Variants in GCN1 observed in about 807,000 individuals in gnomAD.
GCN1 encodes stalled ribosome sensor GCN1.
GCN1 carries 90 observed loss-of-function variants against 288.4 expected under a neutral mutation model. The observed-to-expected ratio is 0.31, with a 90% CI of 0.26 to 0.37. The LOEUF (loss-of-function observed/expected upper bound fraction) is 0.37. Among genes scored for constraint, GCN1 ranks in the 10% least tolerant of loss-of-function variants. GCN1 has a pLI of 1.00. For synonymous variants in GCN1, 1,386 were observed against 1,420.2 expected (o/e 0.98, Z 0.54); for missense variants, 2,586 against 3,419.9 (o/e 0.76, Z 6.08).
At chr12:120,138,158 T>G in intron 47 of GCN1, 114 bp from the exon 48 acceptor site, 1 of 1,015,866 alleles carries the variant, frequency 9.8e-7, no homozygotes, top group South Asian at 1.5e-5. Flanking sequence ...GCCAAGCATC[T>G]ACTCCAGCAT....
In GCN1 at chr12:120,144,534, C is replaced by A. The variant is rs1877300741; in HGVS notation, c.5353-86G>T. 1.9e-6 allele frequency: 3 copies of A among 1,562,770 alleles called. No individual in the cohort carries two copies. The South Asian group carries it at 3.5e-5, about 18-fold the overall frequency. On this transcript the variant is annotated intron_variant, in intron 41 of 57. Coordinates refer to ENST00000300648, the MANE Select transcript of GCN1 (RefSeq NM_006836.2). This position sits in a 1 kb window ranked among gnomAD's most constrained non-coding sequence, Gnocchi z 4.7. Reference sequence around the variant, plus strand: ...CATGGGGCTCACTGAAGGCTGAGGGCTCTGCCAACCAACCCCAGCCAGCAG... The same window carrying A: ...CATGGGGCTCACTGAAGGCTGAGGGATCTGCCAACCAACCCCAGCCAGCAG...
Position 120,155,403 on chromosome 12 carries a change from C to T in GCN1, c.3468G>A (p.Leu1156=). The T allele has an allele frequency of 1.9e-6, 3 of 1,614,012 alleles. No individual in the cohort carries two copies. The highest frequency in any genetic ancestry group is 1.1e-5 in the South Asian group (1 of 91,086). Reference sequence around the variant, plus strand: ...TCAGCAAGGAGCAGAGGTCTGGCTGCAGGTCTAGGCCCATCATTGACCAGA... The same window carrying T: ...TCAGCAAGGAGCAGAGGTCTGGCTGTAGGTCTAGGCCCATCATTGACCAGA... ...ERLWSMMGLD[L]QPDLCSLLID... The change falls in exon 30 of 58, where the codon CTG becomes CTA. Residue 1156 remains leucine (L), a synonymous_variant. Transcript: ENST00000300648. This position sits in a 1 kb window ranked among gnomAD's most constrained non-coding sequence, Gnocchi z 4.9.
Position 120,148,177 on chromosome 12 carries a change from C to A in GCN1, c.4716G>T (p.Pro1572=), listed in dbSNP as rs763874347. The part of the protein sequence containing the change: ...LRQIGSVIRN[P]EILAIAPVLL... Reference sequence around the variant, plus strand: ...ACGGGAAAGGCCTACCCAGGATCTCCGGGTTCCTGATAACGGAGCCGATCT... The same window carrying A: ...ACGGGAAAGGCCTACCCAGGATCTCAGGGTTCCTGATAACGGAGCCGATCT... Residue 1572 remains proline, a synonymous_variant, in exon 37 of 58, where the codon CCG becomes CCT. Transcript: ENST00000300648. The A allele has an allele frequency of 6.2e-7, 1 of 1,611,710 alleles. No homozygotes were observed. Among genetic ancestry groups the A allele is most frequent in the African/African-American group, 1.3e-5 (1 of 74,890 alleles).
intron 12 of GCN1, among the ~76,000 whole-genome samples, chr12:120,174,771 CAG>C: frequency 8.7e-6 from 1 of 115,226 alleles, no homozygotes; most frequent in African/African-American, 3.5e-5. Context: ...GGCCTGGCGA[CAG>C]AGTGAGACTC....
chr12:120,160,368 T>G (rs1193977387), intron 22 of GCN1, 113 bp from the exon 23 acceptor site: 1 of 742,010 alleles, frequency 1.3e-6, no homozygotes, highest in East Asian at 2.6e-5. Flanking sequence ...GCTCTAAGTG[T>G]GAGTTGGGCC....
Position 120,153,252 on chromosome 12 carries a change from A to G in GCN1, c.4023T>C (p.Val1341=). 2 of 1,614,238 alleles carry G rather than the reference A, an allele frequency of 1.2e-6. No individual in the cohort carries two copies. Among genetic ancestry groups the G allele is most frequent in the Non-Finnish European group, 1.7e-6 (2 of 1,180,050 alleles). The change falls in exon 33 of 58, where the codon GTT becomes GTC. Residue 1341 remains valine, a synonymous_variant. Coordinates refer to ENST00000300648, the MANE Select transcript of GCN1 (RefSeq NM_006836.2). This position sits in a 1 kb window ranked among gnomAD's most constrained non-coding sequence, Gnocchi z 4.4. ...TGGAGAGGGCAGCGATGAGCTTGGC[A>G]ACAATGGGCTTCACTTTGGGGTCAC... The part of the protein sequence containing the change: ...DKSDPKVKPI[V]AKLIAALSTP...
chr12:120,136,394 C>A lies in GCN1; in HGVS notation c.7008+108G>T, dbSNP rs373067387. ...CAAGGTCTTACCTCCCTCTGCTATGCGGCTCTCCACAATAAATCTGTTGCC... is the reference window on the plus strand; with the variant it reads ...CAAGGTCTTACCTCCCTCTGCTATGAGGCTCTCCACAATAAATCTGTTGCC... On this transcript the variant is annotated intron_variant, in intron 51 of 57. Coordinates refer to ENST00000300648, the MANE Select transcript of GCN1 (RefSeq NM_006836.2). 13 of 803,254 alleles carry A rather than the reference C, an allele frequency of 1.6e-5. No homozygotes were observed. The South Asian group carries it at 2.0e-4, about 12-fold the overall frequency. The allele number at this position is 803,254 out of a possible 1,614,324, so 49.8% of individuals were successfully genotyped here.
chr12:120,186,988 G>C (rs1264588980), intron 2 of GCN1, among the ~76,000 whole-genome samples: 3 of 152,118 alleles, frequency 2.0e-5, no homozygotes, highest in Non-Finnish European at 4.4e-5. Flanking sequence ...GGCTCTGCTG[G>C]GAAAGTGACC....
At chr12:120,131,776 G>C (rs1876833253) in intron 54 of GCN1, 150 bp downstream of exon 54, 1 of 618,286 alleles carries the variant, frequency 1.6e-6, no homozygotes, top group African/African-American at 1.8e-5. Context: ...ACCACCCCTG[G>C]CCTGGATTTT....
intron 2 of GCN1, among the ~76,000 whole-genome samples, chr12:120,186,362 G>A (rs183341796): frequency 9.9e-5 from 15 of 150,852 alleles, no homozygotes; most frequent in Non-Finnish European, 2.2e-4. Flanking sequence ...GAGACAGAGC[G>A]AGACTCCATC....
Position 120,135,673 on chromosome 12 carries a change from T to TA in GCN1, c.7008+828dup, listed in dbSNP as rs1876979525. ...CCACCACGCCCGGCTTACTTATTGT[T>TA]AATTAGGAAAACCAGAGTGACTGTT... On this transcript the variant is annotated intron_variant, in intron 51 of 57. Coordinates refer to ENST00000300648, the MANE Select transcript of GCN1 (RefSeq NM_006836.2). Among the ~76,000 whole-genome samples, 6 of 152,154 alleles carry TA rather than the reference T, an allele frequency of 3.9e-5. No homozygotes were observed. The South Asian group carries it at 1.2e-3, about 32-fold the overall frequency.
At chr12:120,136,426 C>CTACATGA (rs1412689771) in intron 51 of GCN1, 76 bp downstream of exon 51, 8 of 1,121,450 alleles carry the variant, frequency 7.1e-6, no homozygotes, top group Non-Finnish European at 1.1e-5. Context: ...TGCCCTGCTG[C>CTACATGA]TACATGACAC....
At position 120,156,522 on chromosome 12, in the gene GCN1, ACCT is replaced by A; in HGVS notation, c.3248_3250del (p.Glu1083del). 1 of 1,613,766 alleles carries A rather than the reference ACCT, an allele frequency of 6.2e-7. No individual in the cohort carries two copies. Among genetic ancestry groups the A allele is most frequent in the Non-Finnish European group, 8.5e-7 (1 of 1,179,844 alleles). ...CTGCAAGGCACAGAGCAGCACGTCC[ACCT>A]CCTCCTGCTCTGCAAAGGCACAGCC... On this transcript the variant is annotated inframe_deletion, in exon 28 of 58. Transcript: ENST00000300648. This position sits in a 1 kb window ranked among gnomAD's most constrained non-coding sequence, Gnocchi z 5.8.
chr12:120,146,409 T>TGGTATTATCACGGC (rs1017852542), intron 38 of GCN1, among the ~76,000 whole-genome samples: 1 of 151,876 alleles, frequency 6.6e-6, no homozygotes, highest in Admixed American at 6.6e-5. Flanking sequence ...TGGAGTGCGG[T>TGGTATTATCACGGC]GGTATTATCA....
intron 5 of GCN1, among the ~76,000 whole-genome samples, chr12:120,180,922 G>A (rs1566318880): frequency 2.6e-5 from 4 of 151,738 alleles, no homozygotes; most frequent in South Asian, 2.1e-4. Context: ...CCCGTGAGGC[G>A]GAGCTTGCAC....
At chr12:120,180,275 G>T (rs558001049) in intron 5 of GCN1, among the ~76,000 whole-genome samples, 1 of 151,888 alleles carries the variant, frequency 6.6e-6, no homozygotes, top group South Asian at 2.1e-4. Flanking sequence ...GGTGAGCCGA[G>T]ATCACGCCTT....
intron 42 of GCN1, among the ~76,000 whole-genome samples, chr12:120,143,767 A>C (rs943654710): frequency 6.6e-6 from 1 of 152,238 alleles, no homozygotes; most frequent in African/African-American, 2.4e-5. Flanking sequence ...ATTAAAGAGT[A>C]CTTGACACTT....
intron 7 of GCN1, 32 bp downstream of exon 7, chr12:120,178,593 C>G (rs767115590): frequency 1.2e-6 from 2 of 1,613,030 alleles, no homozygotes; most frequent in South Asian, 1.1e-5. Flanking sequence ...CCCAACATAG[C>G]AAACCCACAG....
chr12:120,179,957 T>C (rs562443243), intron 5 of GCN1, among the ~76,000 whole-genome samples: 1 of 152,160 alleles, frequency 6.6e-6, no homozygotes, highest in African/African-American at 2.4e-5. Flanking sequence ...TCGAACTGCA[T>C]GGAGCTCACA....
Sources: gnomAD v4.1 joint callset for allele counts (sites outside exome capture counted in the v4.1 genomes callset) on GRCh38, gnomAD v4.1.1 for gene constraint, Gnocchi (gnomAD v3.1) non-coding constraint, MANE v1.5 for transcripts, NCBI Gene and HGNC (gene_info 2026-07-23, HGNC 2026-07-21) for gene names.